TMED10: variants seen among roughly 807,000 people sequenced by gnomAD.
The protein encoded by TMED10 is transmembrane emp24 domain-containing protein 10.
TMED10 carries 7 observed loss-of-function variants against 23.1 expected under a neutral mutation model. That is an observed-to-expected ratio of 0.30 (90% CI 0.17 to 0.57). The LOEUF is 0.57. Among genes scored for constraint, TMED10 ranks in the 20% least tolerant of loss-of-function variants. The pLI is 0.91. For missense variants in TMED10, 162 were observed against 274.8 expected (o/e 0.59, Z 2.90); for synonymous variants, 113 against 106.9 (o/e 1.06, Z -0.35).
chr14:75,147,111 A>G (rs1161987432), intron 3 of TMED10, among the ~76,000 whole-genome samples: 2 of 152,016 alleles, frequency 1.3e-5, no homozygotes, highest in East Asian at 3.9e-4. Context: ...TCAGTGTTTT[A>G]TCAAACCAAC....
intron 1 of TMED10, among the ~76,000 whole-genome samples, chr14:75,171,918 T>C (rs1415529258): frequency 2.0e-5 from 3 of 151,734 alleles, no homozygotes; most frequent in South Asian, 2.1e-4. Flanking sequence ...TAAACCTGAA[T>C]CTGGTTACAT....
chr14:75,145,428 T>C (rs929177396), intron 3 of TMED10, among the ~76,000 whole-genome samples: 42 of 152,282 alleles, frequency 2.8e-4, no homozygotes, highest in African/African-American at 9.9e-4. Flanking sequence ...AATAATGTCA[T>C]CTGTTTTTGA....
intron 3 of TMED10, among the ~76,000 whole-genome samples, chr14:75,147,189 T>TTTTTTTG (rs1185496706): frequency 2.2e-5 from 1 of 45,704 alleles, no homozygotes; most frequent in African/African-American, 5.1e-5. Context: ...AAGGCTGTTT[T>TTTTTTTG]TTTTTTTTTT....
chr14:75,165,170 C>A (rs574784693), intron 1 of TMED10, among the ~76,000 whole-genome samples: 1 of 152,242 alleles, frequency 6.6e-6, no homozygotes, highest in African/African-American at 2.4e-5. Flanking sequence ...AGAAAGAACA[C>A]CAACTCATTA....
rs758722084 is a variant in TMED10, at chr14:75,135,049, T to G, written c.539-43A>C. 24 of 1,608,872 alleles carry G rather than the reference T, an allele frequency of 1.5e-5. No homozygotes were observed. The South Asian group carries it at 1.7e-4, about 11-fold the overall frequency. On this transcript the variant is annotated intron_variant, in intron 4 of 4. Coordinates refer to ENST00000303575, the MANE Select transcript of TMED10 (RefSeq NM_006827.6). Reference sequence around the variant, plus strand: ...CATTGTAAACATAATGAAGTGAGCCTCCTCAGCTGGCTAAACAATGGCAGG... The same window carrying G: ...CATTGTAAACATAATGAAGTGAGCCGCCTCAGCTGGCTAAACAATGGCAGG...
intron 3 of TMED10, among the ~76,000 whole-genome samples, chr14:75,139,566 G>GT (rs1465070447): frequency 6.7e-6 from 1 of 150,074 alleles, no homozygotes; most frequent in Non-Finnish European, 1.5e-5. Flanking sequence ...AGCCTGGGAG[G>GT]TCAAGGCTGC....
intron 1 of TMED10, among the ~76,000 whole-genome samples, chr14:75,166,859 G>A (rs1463844483): frequency 1.3e-5 from 2 of 151,916 alleles, no homozygotes; most frequent in African/African-American, 4.8e-5. Flanking sequence ...GAAAAAGTCT[G>A]GCATAAGTAA....
intron 1 of TMED10, among the ~76,000 whole-genome samples, chr14:75,161,600 A>G (rs1484608782): frequency 2.6e-5 from 4 of 152,174 alleles, no homozygotes; most frequent in African/African-American, 9.7e-5. Flanking sequence ...TCATCTTGCT[A>G]AAGATACAAG....
At chr14:75,140,827 A>C (rs1313175626) in intron 3 of TMED10, among the ~76,000 whole-genome samples, 1 of 152,208 alleles carries the variant, frequency 6.6e-6, no homozygotes, top group African/African-American at 2.4e-5. Context: ...TGGGAAGCCA[A>C]GGCAGGTGGA....
intron 1 of TMED10, among the ~76,000 whole-genome samples, chr14:75,166,975 T>C (rs1288306710): frequency 2.1e-5 from 3 of 139,776 alleles, no homozygotes; most frequent in African/African-American, 5.4e-5. Context: ...GGAGTCTCAC[T>C]CTGTCGCCCA....
intron 3 of TMED10, among the ~76,000 whole-genome samples, chr14:75,136,161 T>A (rs564316056): frequency 6.6e-5 from 10 of 152,274 alleles, no homozygotes; most frequent in East Asian, 1.9e-4. Context: ...GTCTCAAGAT[T>A]TTTTACTTTT....
At chr14:75,150,987 C>G (rs1170262033) in intron 2 of TMED10, among the ~76,000 whole-genome samples, 2 of 152,270 alleles carry the variant, frequency 1.3e-5, no homozygotes, top group Non-Finnish European at 2.9e-5. Context: ...ACTGCAATCT[C>G]TGCCTCCTGG....
rs866161295 is a variant in TMED10 at position 75,132,244 on chromosome 14, C to T, written c.*2641G>A. The T allele has an allele frequency of 5.9e-5, 9 of 151,998 alleles. No individual in the cohort carries two copies. Among genetic ancestry groups the T allele is most frequent in the African/African-American group, 1.9e-4 (8 of 41,348 alleles). 9.4% of individuals were successfully genotyped at this position (151,998 alleles called of 1,614,324 possible). A position where few individuals can be genotyped will look rare whatever the true frequency, so the allele number is the denominator to read the frequency against. ...TTCTACTGAAAATACAAAAATTAGC[C>T]AGGCATGGTGGTGTGCACCTATATT... On this transcript the variant is annotated 3_prime_UTR_variant, in exon 5 of 5. Transcript: ENST00000303575.
intron 1 of TMED10, among the ~76,000 whole-genome samples, chr14:75,162,813 A>C (rs1337206664): frequency 6.6e-6 from 1 of 152,164 alleles, no homozygotes; most frequent in Non-Finnish European, 1.5e-5. Flanking sequence ...GACAAGAAAA[A>C]AAAAATGACA....
At chr14:75,147,279 C>A (rs867415246) in intron 3 of TMED10, among the ~76,000 whole-genome samples, 57 of 151,290 alleles carry the variant, frequency 3.8e-4, no homozygotes, top group African/African-American at 1.3e-3. Flanking sequence ...GCCTCTGCCC[C>A]CCAGGTTCCA....
At chr14:75,155,719 G>A (rs1236292011) in intron 1 of TMED10, among the ~76,000 whole-genome samples, 2 of 152,126 alleles carry the variant, frequency 1.3e-5, no homozygotes, top group African/African-American at 2.4e-5. Context: ...CATGAGCTGA[G>A]TCCTAAAGGA....
Position 75,165,340 on chromosome 14 carries a change from G to A in TMED10, c.225+11015C>T, listed in dbSNP as rs182141996. ...CCTCCCAGGTTCAAGCGATTCTCCT[G>A]CCTCAGCCTCCCGAGTAGCTGGGAA... On this transcript the variant is annotated intron_variant, in intron 1 of 4. Coordinates refer to ENST00000303575, the MANE Select transcript of TMED10 (RefSeq NM_006827.6). 2.6e-5 allele frequency among the ~76,000 whole-genome samples: 4 copies of A among 152,134 alleles called. No individual in the cohort carries two copies. The East Asian group carries it at 7.7e-4, about 29-fold the overall frequency.
Position 75,152,075 on chromosome 14 carries a change from G to A in TMED10, c.294C>T (p.Thr98=). The A allele has an allele frequency of 4.3e-6, 7 of 1,613,980 alleles. No homozygotes were observed. Among genetic ancestry groups the A allele is most frequent in the Non-Finnish European group, 5.9e-6 (7 of 1,179,946 alleles). The change falls in exon 2 of 5, where the codon ACC becomes ACT. Residue 98 remains threonine, a synonymous_variant. Transcript: ENST00000303575. Reference sequence around the variant, plus strand: ...CTTCAAACATGTCATAATCTTCAGTGGTAAAGGCAAATTTCCCCTTGGTTG... The same window carrying A: ...CTTCAAACATGTCATAATCTTCAGTAGTAAAGGCAAATTTCCCCTTGGTTG... The part of the protein sequence containing the change: ...EDATKGKFAF[T]TEDYDMFEVC...
At chr14:75,163,236 T>C (rs1261731110) in intron 1 of TMED10, among the ~76,000 whole-genome samples, 1 of 150,892 alleles carries the variant, frequency 6.6e-6, no homozygotes, top group Non-Finnish European at 1.5e-5. Flanking sequence ...AGCAAGACCC[T>C]GTCTCAAAAC....
Sources: allele counts gnomAD v4.1 joint callset (sites outside exome capture counted in the v4.1 genomes callset), GRCh38; gene constraint gnomAD v4.1.1; transcripts MANE v1.5; gene names NCBI Gene and HGNC (gene_info 2026-07-23, HGNC 2026-07-21).